NEO1: variants seen among roughly 807,000 people sequenced by gnomAD.
NEO1 encodes neogenin.
In NEO1, 63 loss-of-function variants were observed where a neutral mutation model predicts 159.7. That is an observed-to-expected ratio of 0.39 (90% CI 0.32 to 0.49). The LOEUF (loss-of-function observed/expected upper bound fraction) is 0.49. NEO1 is among the 20% of genes least tolerant of loss of function. The probability of loss-of-function intolerance (pLI) is 0.85; values close to 1 mark genes in which losing one functional copy is unlikely to be tolerated. For missense variants in NEO1, 1,615 were observed against 1,831.0 expected, an observed-to-expected ratio of 0.88 and a Z score of 2.15; for synonymous variants, 633 against 662.0, an observed-to-expected ratio of 0.96 and a Z score of 0.67.
chr15:73,263,337 G>A (rs188459207), intron 15 of NEO1, among the ~76,000 whole-genome samples: 1 of 151,854 alleles, frequency 6.6e-6, no homozygotes, highest in African/African-American at 2.4e-5. Context: ...GGGATTACAG[G>A]CTTGCGCCAC....
chr15:73,230,806 G>A (rs2038867137), intron 7 of NEO1, among the ~76,000 whole-genome samples: 1 of 152,034 alleles, frequency 6.6e-6, no homozygotes, highest in African/African-American at 2.4e-5. Flanking sequence ...TGCCCAGGCT[G>A]GTCTTAAATT....
chr15:73,158,960 G>A (rs1277033458), intron 5 of NEO1, among the ~76,000 whole-genome samples: 1 of 152,152 alleles, frequency 6.6e-6, no homozygotes, highest in African/African-American at 2.4e-5. Flanking sequence ...TACTTTGGAG[G>A]CCTTGTTTAA....
intron 1 of NEO1, among the ~76,000 whole-genome samples, chr15:73,107,385 A>C (rs1018096363): frequency 3.9e-5 from 6 of 152,194 alleles, no homozygotes; most frequent in Non-Finnish European, 5.9e-5. Context: ...TTGATTACCC[A>C]GTCTTATATT....
At chr15:73,241,306 G>T (rs536862250) in intron 8 of NEO1, among the ~76,000 whole-genome samples, 1 of 152,244 alleles carries the variant, frequency 6.6e-6, no homozygotes, top group Non-Finnish European at 1.5e-5. Flanking sequence ...TCTAGTCAAG[G>T]GGTTAGCAAA....
chr15:73,286,096 C>CT (rs2041937350), intron 23 of NEO1, among the ~76,000 whole-genome samples: 1 of 120,628 alleles, frequency 8.3e-6, no homozygotes, highest in Non-Finnish European at 1.7e-5. Context: ...CTGTATGGTC[C>CT]TTTTCACCGG....
Position 73,303,116 on chromosome 15 carries a change from A to G in NEO1, c.*420A>G. On this transcript the variant is annotated 3_prime_UTR_variant, in exon 29 of 29. Coordinates refer to ENST00000261908, the MANE Select transcript of NEO1 (RefSeq NM_002499.4). ...TTTTATTTTACCTTCAAAAACAAAA[A>G]CGCCATCCAAAACCAAGGAAGTCCT... 6.2e-6 allele frequency: 1 copy of G among 160,084 alleles called. No individual in the cohort carries two copies. Among genetic ancestry groups the G allele is most frequent in the Non-Finnish European group, 1.4e-5 (1 of 72,058 alleles). 9.9% of individuals were successfully genotyped at this position (160,084 alleles called of 1,614,324 possible).
intron 21 of NEO1, among the ~76,000 whole-genome samples, chr15:73,275,223 TC>T (rs143794614): frequency 0.074 from 11,240 of 152,296 alleles, 501 homozygotes; most frequent in South Asian, 0.09. Flanking sequence ...TTTACCTTAC[TC>T]AATGTTGTGA....
intron 7 of NEO1, among the ~76,000 whole-genome samples, chr15:73,210,584 A>G (rs916831751): frequency 2.0e-5 from 3 of 152,268 alleles, no homozygotes; most frequent in African/African-American, 7.2e-5. Context: ...TGGAACTTCT[A>G]CAAATTAGAG....
intron 15 of NEO1, among the ~76,000 whole-genome samples, chr15:73,261,410 A>T (rs2040614147): frequency 6.6e-6 from 1 of 152,160 alleles, no homozygotes; most frequent in South Asian, 2.1e-4. Context: ...GTTCGTTGTA[A>T]CTGGGGTAGA....
chr15:73,094,621 T>G (rs1274581120), intron 1 of NEO1, among the ~76,000 whole-genome samples: 3 of 152,248 alleles, frequency 2.0e-5, no homozygotes, highest in African/African-American at 7.2e-5. Flanking sequence ...TAAGTTTCTT[T>G]TAAGTGATAA....
chr15:73,178,232 A>C, intron 6 of NEO1, 75 bp from the exon 7 acceptor site: 2 of 1,398,822 alleles, frequency 1.4e-6, no homozygotes, highest in Non-Finnish European at 2.0e-6. Context: ...CCTCTCCAAA[A>C]AGCATATTTT....
At chr15:73,269,656 G>C (rs1032743678) in intron 16 of NEO1, among the ~76,000 whole-genome samples, 5 of 152,108 alleles carry the variant, frequency 3.3e-5, no homozygotes, top group Admixed American at 6.5e-5. Flanking sequence ...CACTGCACCT[G>C]GCCTCATGAG....
chr15:73,122,938 AGCG>A, intron 3 of NEO1, 138 bp downstream of exon 3: 3 of 1,047,578 alleles, frequency 2.9e-6, no homozygotes, highest in Admixed American at 2.3e-5. Context: ...GGGAGGTTGA[AGCG>A]GGTGGATCAC....
intron 1 of NEO1, among the ~76,000 whole-genome samples, chr15:73,067,011 A>G (rs1042164283): frequency 1.4e-4 from 21 of 152,240 alleles, no homozygotes; most frequent in African/African-American, 4.8e-4. Context: ...GAATTGGTCT[A>G]AACCATCTAC....
At chr15:73,063,510 A>G (rs1028893978) in intron 1 of NEO1, among the ~76,000 whole-genome samples, 1 of 152,006 alleles carries the variant, frequency 6.6e-6, no homozygotes, top group South Asian at 2.1e-4. Context: ...TTGTTAAATG[A>G]GTGAGCTTAT....
rs540883594 is a variant in NEO1 at position 73,191,558 on chromosome 15, G to A, written c.1291+13131G>A. On this transcript the variant is annotated intron_variant, in intron 7 of 28. Coordinates refer to ENST00000261908, the MANE Select transcript of NEO1 (RefSeq NM_002499.4). Reference sequence around the variant, plus strand: ...ACATAGAAAGACAGAGTATCGATGAGAATTCAATAGTCAGCATTAAAGGAG... The same window carrying A: ...ACATAGAAAGACAGAGTATCGATGAAAATTCAATAGTCAGCATTAAAGGAG... Among the ~76,000 whole-genome samples the A allele has an allele frequency of 5.4e-4, 78 of 143,908 alleles. No homozygotes were observed. The Middle Eastern group carries it at 0.012, about 21-fold the overall frequency. 94.4% of individuals were successfully genotyped at this position (143,908 alleles called of 152,430 possible). A position where few individuals can be genotyped will look rare whatever the true frequency, so the allele number is the denominator to read the frequency against.
At chr15:73,085,764 G>A (rs1567161234) in intron 1 of NEO1, among the ~76,000 whole-genome samples, 1 of 152,132 alleles carries the variant, frequency 6.6e-6, no homozygotes, top group Admixed American at 6.5e-5. Flanking sequence ...GCCCTTTTTG[G>A]TGAAGTGTGT....
At chr15:73,285,335 G>T (rs1399746202) in intron 23 of NEO1, among the ~76,000 whole-genome samples, 1 of 152,136 alleles carries the variant, frequency 6.6e-6, no homozygotes, top group South Asian at 2.1e-4. Context: ...GGCCAGGCTG[G>T]TGTCAAACTC....
intron 2 of NEO1, among the ~76,000 whole-genome samples, chr15:73,119,235 T>C (rs1248735538): frequency 6.6e-6 from 1 of 152,204 alleles, no homozygotes; most frequent in Non-Finnish European, 1.5e-5. Context: ...AAATATTAAA[T>C]TATGTACTTT....
Sources: allele counts gnomAD v4.1 joint callset (sites outside exome capture counted in the v4.1 genomes callset), GRCh38; gene constraint gnomAD v4.1.1; transcripts MANE v1.5; gene names NCBI Gene and HGNC (gene_info 2026-07-23, HGNC 2026-07-21).